Variants in SOX5 observed in about 807,000 individuals in gnomAD.
The protein encoded by SOX5 is SRY-box transcription factor 5.
Under a neutral mutation model 92.0 loss-of-function variants are expected in SOX5, and 9 were observed. The observed-to-expected ratio is 0.10, with a 90% CI of 0.06 to 0.17. The LOEUF (loss-of-function observed/expected upper bound fraction) is 0.17. Ranked by LOEUF, SOX5 falls within the 10% of genes least tolerant of loss-of-function variation. SOX5 has a pLI of 1.00. For synonymous variants in SOX5, 344 were observed against 336.3 expected, an observed-to-expected ratio of 1.02 and a Z score of -0.25; for missense variants, 642 against 944.5, an observed-to-expected ratio of 0.68 and a Z score of 4.20.
intron 4 of SOX5, among the ~76,000 whole-genome samples, chr12:23,965,122 C>G (rs1947395392): frequency 6.6e-6 from 1 of 152,170 alleles, no homozygotes. Flanking sequence ...CTCTATGCAC[C>G]CTAGCAGGAC....
In SOX5 at chr12:24,463,908, A is replaced by G. The variant is rs956156086; in HGVS notation, c.-250-95269T>C. On this transcript the variant is annotated intron_variant, in intron 1 of 4. Transcript: ENST00000446891. ...AAACCTTTCTCTCCTCATTCACTCC[A>G]CTGAAATTGAAGACTTCTCTTTGAA... Among the ~76,000 whole-genome samples, 6 of 152,224 alleles carry G rather than the reference A, an allele frequency of 3.9e-5. No individual in the cohort carries two copies. In the East Asian group the frequency reaches 1.2e-3, roughly 29 times the overall value.
chr12:23,953,147 T>A (rs898674785), upstream of SOX5, among the ~76,000 whole-genome samples: 4 of 152,144 alleles, frequency 2.6e-5, no homozygotes, highest in African/African-American at 9.6e-5. Context: ...ATATTGAAAA[T>A]TAGCATTTCT....
At chr12:24,560,974 C>G (rs1954280253) in intron 1 of SOX5, among the ~76,000 whole-genome samples, 1 of 152,206 alleles carries the variant, frequency 6.6e-6, no homozygotes, top group Admixed American at 6.5e-5. Context: ...ACTGTCCAGT[C>G]CCTTTGCAGA....
At chr12:24,302,073 C>CA (rs879936876) in intron 2 of SOX5, among the ~76,000 whole-genome samples, 12 of 151,910 alleles carry the variant, frequency 7.9e-5, no homozygotes, top group Admixed American at 6.6e-4. Context: ...GTTACTTCAA[C>CA]AAAAAATAAA....
At chr12:23,635,718 A>G (rs1380445853) in intron 8 of SOX5, among the ~76,000 whole-genome samples, 1 of 152,164 alleles carries the variant, frequency 6.6e-6, no homozygotes, top group Non-Finnish European at 1.5e-5. Flanking sequence ...TGACTAATGC[A>G]TAGTGGAGAG....
chr12:24,556,326 A>G (rs1007430182), intron 1 of SOX5, among the ~76,000 whole-genome samples: 55 of 152,310 alleles, frequency 3.6e-4, no homozygotes, highest in African/African-American at 1.2e-3. Flanking sequence ...ATTCTGTTTC[A>G]TTGGGAAGAG....
At chr12:23,940,606 A>G (rs1943439283) in intron 1 of SOX5, among the ~76,000 whole-genome samples, 1 of 151,346 alleles carries the variant, frequency 6.6e-6, no homozygotes, top group South Asian at 2.1e-4. Context: ...TTAAAGAAGA[A>G]CTAGAACTTG....
intron 4 of SOX5, among the ~76,000 whole-genome samples, chr12:24,065,645 C>CAAAAA (rs71445983): frequency 4.4e-3 from 351 of 79,938 alleles, no homozygotes; most frequent in East Asian, 6.8e-3. Flanking sequence ...GACTCCATCT[C>CAAAAA]AAAAAAAAAA....
At chr12:23,885,840 GA>G (rs67513307) in intron 2 of SOX5, among the ~76,000 whole-genome samples, 133,502 of 150,852 alleles carry the variant, frequency 0.88, 59,190 homozygotes, top group African/African-American at 0.96. Context: ...AAATACAGGG[GA>G]AAAAAAATTG....
intron 2 of SOX5, among the ~76,000 whole-genome samples, chr12:23,883,043 T>C (rs1276511860): frequency 2.0e-5 from 3 of 151,512 alleles, no homozygotes; most frequent in Non-Finnish European, 4.4e-5. Flanking sequence ...AAGCCGGGCA[T>C]AGTGGCGGGT....
chr12:23,743,529 C>G (rs575779800), intron 4 of SOX5, among the ~76,000 whole-genome samples: 1 of 152,046 alleles, frequency 6.6e-6, no homozygotes, highest in Admixed American at 6.6e-5. Flanking sequence ...CCAGGCCGGT[C>G]TCGAACTCCT....
chr12:23,881,253 A>G (rs971404263), intron 2 of SOX5, among the ~76,000 whole-genome samples: 19 of 152,296 alleles, frequency 1.2e-4, no homozygotes, highest in African/African-American at 4.1e-4. Context: ...TGCACTGTAT[A>G]TCACTTTATA....
At chr12:23,958,888 T>A (rs1463704323) in intron 4 of SOX5, among the ~76,000 whole-genome samples, 1 of 151,860 alleles carries the variant, frequency 6.6e-6, no homozygotes, top group Non-Finnish European at 1.5e-5. Flanking sequence ...AAGTAATATG[T>A]AGAAATCAAT....
At chr12:24,015,320 T>G (rs1022277896) in intron 4 of SOX5, among the ~76,000 whole-genome samples, 1 of 152,090 alleles carries the variant, frequency 6.6e-6, no homozygotes, top group African/African-American at 2.4e-5. Flanking sequence ...CTAACTAGGT[T>G]CCTAATTAGC....
chr12:24,348,916 C>A (rs1488040024), intron 2 of SOX5, among the ~76,000 whole-genome samples: 1 of 152,200 alleles, frequency 6.6e-6, no homozygotes, highest in Non-Finnish European at 1.5e-5. Context: ...TAAGACATGC[C>A]TTTGCTCCTT....
At chr12:23,802,501 T>C (rs755297228) in intron 3 of SOX5, among the ~76,000 whole-genome samples, 1 of 152,196 alleles carries the variant, frequency 6.6e-6, no homozygotes, top group Non-Finnish European at 1.5e-5. Context: ...GTAATTTTTT[T>C]TTTTAACCAA....
At chr12:23,586,994 T>C (rs1318218815) in intron 9 of SOX5, among the ~76,000 whole-genome samples, 1 of 151,512 alleles carries the variant, frequency 6.6e-6, no homozygotes, top group Non-Finnish European at 1.5e-5. Context: ...TTTTATAATG[T>C]AATTTTGTCA....
At chr12:23,618,530 T>C (rs2076826534) in intron 8 of SOX5, among the ~76,000 whole-genome samples, 1 of 152,162 alleles carries the variant, frequency 6.6e-6, no homozygotes, top group Non-Finnish European at 1.5e-5. Context: ...CCAGAGTACA[T>C]ACTTGCTGGA....
At chr12:24,453,462 A>G (rs1488885242) in intron 1 of SOX5, among the ~76,000 whole-genome samples, 1 of 152,146 alleles carries the variant, frequency 6.6e-6, no homozygotes, top group Non-Finnish European at 1.5e-5. Context: ...GAGCTTGTTT[A>G]TTTATTTTTC....
Sources: gnomAD v4.1 joint callset for allele counts (sites outside exome capture counted in the v4.1 genomes callset) on GRCh38, gnomAD v4.1.1 for gene constraint, MANE v1.5 for transcripts, NCBI Gene and HGNC (gene_info 2026-07-23, HGNC 2026-07-21) for gene names.